The following SH3BGRL2 variants were observed in gnomAD, a reference collection of about 807,000 sequenced individuals.
The protein encoded by SH3BGRL2 is SH3 domain binding glutamate rich protein like 2.
SH3BGRL2 carries 21 observed loss-of-function variants against 14.8 expected under a neutral mutation model. The observed-to-expected ratio is 1.42, with a 90% confidence interval of 1.01 to 2.05. The LOEUF (loss-of-function observed/expected upper bound fraction) is 2.05, where lower values mean the gene tolerates loss of function less well. SH3BGRL2 is among the 30% of genes most tolerant of loss of function. The probability of loss-of-function intolerance (pLI) is 0.00; values close to 1 mark genes in which losing one functional copy is unlikely to be tolerated. For synonymous variants in SH3BGRL2, 50 were observed against 47.8 expected, an observed-to-expected ratio of 1.05 and a Z score of -0.19; for missense variants, 147 against 130.8, an observed-to-expected ratio of 1.12 and a Z score of -0.61.
chr6:79,652,434 C>G lies in SH3BGRL2; in HGVS notation c.45+20928C>G, dbSNP rs139939853. Reference sequence around the variant, plus strand: ...CTTGTTTTATAAAAGTATCATTCTGCAACAGATTGGAACATTAGTATAAGA... The same window carrying G: ...CTTGTTTTATAAAAGTATCATTCTGGAACAGATTGGAACATTAGTATAAGA... On this transcript the variant is annotated intron_variant, in intron 1 of 3. Coordinates refer to ENST00000369838, the MANE Select transcript of SH3BGRL2 (RefSeq NM_031469.4). 7.1e-3 allele frequency among the ~76,000 whole-genome samples: 1,076 copies of G among 152,104 alleles called. 15 individuals carry two copies. Among genetic ancestry groups the G allele is most frequent in the African/African-American group, 0.024 (1,000 of 41,472 alleles).
rs752373567 is a variant in SH3BGRL2, at chr6:79,699,539, A to G, written c.*30A>G. On this transcript the variant is annotated 3_prime_UTR_variant, in exon 4 of 4. Coordinates refer to ENST00000369838, the MANE Select transcript of SH3BGRL2 (RefSeq NM_031469.4). The stretch of plus-strand genomic sequence containing the variant: ...GAAGAGTGGAAGATGACGGAGATGC[A>G]TTTTGAAGCACCCCTGGTACTCAGC... 2 of 1,443,320 alleles carry G rather than the reference A, an allele frequency of 1.4e-6. No individual in the cohort carries two copies. The highest frequency in any genetic ancestry group is 2.4e-5 in the Admixed American group (1 of 41,038). The allele number at this position is 1,443,320 out of a possible 1,614,324, so 89.4% of individuals were successfully genotyped here. A position where few individuals can be genotyped will look rare whatever the true frequency, so the allele number is the denominator to read the frequency against.
the SH3BGRL2 span, among the ~76,000 whole-genome samples, chr6:79,609,707 A>G: frequency 6.6e-6 from 1 of 152,330 alleles, no homozygotes; most frequent in East Asian, 1.9e-4. Flanking sequence ...AGCAATACAT[A>G]GCTATATTCC....
the SH3BGRL2 span, among the ~76,000 whole-genome samples, chr6:79,575,957 A>G: frequency 6.7e-6 from 1 of 148,776 alleles, no homozygotes; most frequent in African/African-American, 2.5e-5. Context: ...AATGTTTATA[A>G]GTTTTTTTTT....
chr6:79,698,012 C>T (rs1158120188), intron 3 of SH3BGRL2, among the ~76,000 whole-genome samples: 1 of 152,156 alleles, frequency 6.6e-6, no homozygotes, highest in Non-Finnish European at 1.5e-5. Context: ...ATGAAATATA[C>T]ATTCTCACAT....
chr6:79,621,310 TG>T, the SH3BGRL2 span, among the ~76,000 whole-genome samples: 1 of 152,136 alleles, frequency 6.6e-6, no homozygotes, highest in Non-Finnish European at 1.5e-5. Flanking sequence ...TGTTAAGAGG[TG>T]GGGGCTTCTA....
At chr6:79,637,016 A>G (rs1288129731) in intron 1 of SH3BGRL2, among the ~76,000 whole-genome samples, 1 of 152,228 alleles carries the variant, frequency 6.6e-6, no homozygotes, top group African/African-American at 2.4e-5. Flanking sequence ...ATGAGGATTG[A>G]AATAAAAAGA....
chr6:79,620,498 A>G, the SH3BGRL2 span, among the ~76,000 whole-genome samples: 1 of 152,078 alleles, frequency 6.6e-6, no homozygotes, highest in African/African-American at 2.4e-5. Flanking sequence ...TATATCACCC[A>G]TTGGTCCTCG....
chr6:79,589,832 G>A, the SH3BGRL2 span, among the ~76,000 whole-genome samples: 1 of 152,154 alleles, frequency 6.6e-6, no homozygotes, highest in Non-Finnish European at 1.5e-5. Context: ...GGAGTGCAGT[G>A]GCAATCTCAG....
the SH3BGRL2 span, among the ~76,000 whole-genome samples, chr6:79,595,659 G>T: frequency 6.6e-6 from 1 of 152,152 alleles, no homozygotes; most frequent in Non-Finnish European, 1.5e-5. Context: ...TCAACTAGAA[G>T]TAGAAGGGAA....
the SH3BGRL2 span, among the ~76,000 whole-genome samples, chr6:79,547,255 A>C: frequency 6.8e-6 from 1 of 148,066 alleles, no homozygotes; most frequent in Admixed American, 7.0e-5. Context: ...TGGTTCCATG[A>C]GTTAGAGGAG....
chr6:79,613,888 G>A, the SH3BGRL2 span, among the ~76,000 whole-genome samples: 93 of 152,312 alleles, frequency 6.1e-4, no homozygotes, highest in African/African-American at 2.1e-3. Flanking sequence ...GATTACAGGT[G>A]TGAGCCACCA....
the SH3BGRL2 span, among the ~76,000 whole-genome samples, chr6:79,577,489 C>T: frequency 6.6e-6 from 1 of 152,072 alleles, no homozygotes; most frequent in Admixed American, 6.5e-5. Context: ...TATCCTTAGA[C>T]TAATCAATAA....
At chr6:79,687,260 G>C (rs1046794324) in intron 2 of SH3BGRL2, among the ~76,000 whole-genome samples, 1 of 152,138 alleles carries the variant, frequency 6.6e-6, no homozygotes, top group Non-Finnish European at 1.5e-5. Flanking sequence ...TTCCCCTGCT[G>C]TGTTTTCTCT....
chr6:79,586,525 A>G, the SH3BGRL2 span, among the ~76,000 whole-genome samples: 3 of 152,324 alleles, frequency 2.0e-5, no homozygotes, highest in South Asian at 6.2e-4. Context: ...AATAAATAAA[A>G]TGGCTTTCTG....
At chr6:79,641,144 A>G (rs991473064) in intron 1 of SH3BGRL2, among the ~76,000 whole-genome samples, 1 of 110,998 alleles carries the variant, frequency 9.0e-6, no homozygotes, top group African/African-American at 3.6e-5. Flanking sequence ...TGGTTCTCTC[A>G]CCCTTTTGTG....
chr6:79,641,195 T>TGG (rs1554201799), intron 1 of SH3BGRL2, among the ~76,000 whole-genome samples: 4 of 146,198 alleles, frequency 2.7e-5, no homozygotes, highest in Admixed American at 2.7e-4. Flanking sequence ...TGTGTGTGTG[T>TGG]GGTTTGTTTT....
chr6:79,687,685 T>G (rs1056386923), intron 2 of SH3BGRL2, among the ~76,000 whole-genome samples: 1 of 152,198 alleles, frequency 6.6e-6, no homozygotes, highest in Admixed American at 6.5e-5. Context: ...AAAGAAAATT[T>G]GAGAAGCAGC....
the SH3BGRL2 span, among the ~76,000 whole-genome samples, chr6:79,545,092 A>C: frequency 3.3e-5 from 5 of 152,222 alleles, no homozygotes; most frequent in African/African-American, 1.2e-4. Context: ...GAAGTCGTCA[A>C]GCTTCTCAGC....
At chr6:79,576,718 A>G in the SH3BGRL2 span, among the ~76,000 whole-genome samples, 1 of 152,308 alleles carries the variant, frequency 6.6e-6, no homozygotes, top group South Asian at 2.1e-4. Flanking sequence ...TTATAAACCC[A>G]TGAAACCACC....
Sources: gnomAD v4.1 joint callset for allele counts (sites outside exome capture counted in the v4.1 genomes callset) on GRCh38, gnomAD v4.1.1 for gene constraint, MANE v1.5 for transcripts, NCBI Gene and HGNC (gene_info 2026-07-23, HGNC 2026-07-21) for gene names.